CFAP92: variants seen among roughly 807,000 people sequenced by gnomAD.
CFAP92 encodes the protein uncharacterized protein CFAP92.
In CFAP92, 86 loss-of-function variants were observed where a neutral mutation model predicts 106.3. The observed-to-expected ratio is 0.81, with a 90% CI of 0.68 to 0.97. The LOEUF (loss-of-function observed/expected upper bound fraction) is 0.97, where lower values mean the gene tolerates loss of function less well. Among genes scored for constraint, CFAP92 ranks in the 50% least tolerant of loss-of-function variants. The pLI is 0.00. For missense variants in CFAP92, 1,204 were observed against 1,283.8 expected (o/e 0.94, Z 0.95); for synonymous variants, 477 against 506.4 (o/e 0.94, Z 0.78).
intron 7 of CFAP92, among the ~76,000 whole-genome samples, chr3:128,972,405 CT>C (rs892287432): frequency 1.1e-4 from 16 of 151,874 alleles, no homozygotes; most frequent in Non-Finnish European, 2.4e-4. Flanking sequence ...CCACGCCCAG[CT>C]AATTTTTGTA....
chr3:128,944,905 G>C (rs1449172588), intron 10 of CFAP92, among the ~76,000 whole-genome samples, 166 bp downstream of exon 10: 1 of 152,172 alleles, frequency 6.6e-6, no homozygotes, highest in Admixed American at 6.5e-5. Context: ...AGCCAATCGA[G>C]TCTTCAAGTC....
intron 1 of CFAP92, chr3:129,001,796 CCA>C: frequency 6.5e-7 from 1 of 1,544,992 alleles, no homozygotes; most frequent in South Asian, 1.2e-5. Context: ...CCGGCCTGGA[CCA>C]GTACCTGCAG....
the CFAP92 span, among the ~76,000 whole-genome samples, chr3:129,024,868 G>A: frequency 7.9e-5 from 12 of 152,296 alleles, no homozygotes; most frequent in African/African-American, 2.4e-4. Flanking sequence ...AGAGGGAGAG[G>A]TGAGTTCTGA....
At chr3:128,918,191 C>T (rs1383284915) in intron 12 of CFAP92, among the ~76,000 whole-genome samples, 1 of 152,190 alleles carries the variant, frequency 6.6e-6, no homozygotes, top group African/African-American at 2.4e-5. Flanking sequence ...CTCTTGGGGC[C>T]AGATGTGGTG....
At chr3:128,910,547 A>G (rs1370353986) in intron 15 of CFAP92, among the ~76,000 whole-genome samples, 1 of 152,160 alleles carries the variant, frequency 6.6e-6, no homozygotes, top group Non-Finnish European at 1.5e-5. Context: ...AGGGTCAGAG[A>G]TGTTGAGTCA....
chr3:128,998,580 C>T (rs1245581816), upstream of CFAP92, among the ~76,000 whole-genome samples: 1 of 152,178 alleles, frequency 6.6e-6, no homozygotes, highest in African/African-American at 2.4e-5. Context: ...TATGTATACT[C>T]CTTGGCCCAG....
intron 12 of CFAP92, among the ~76,000 whole-genome samples, chr3:128,928,555 TGGG>T (rs1937966610): frequency 1.3e-5 from 2 of 152,164 alleles, no homozygotes; most frequent in African/African-American, 4.8e-5. Context: ...GTCAATTTAA[TGGG>T]GGAATAGCTA....
chr3:128,945,295 C>G lies in CFAP92; in HGVS notation c.2034G>C (p.Gln678His), dbSNP rs1410971754. 1.3e-6 allele frequency: 2 copies of G among 1,536,148 alleles called. No homozygotes were observed. The highest frequency in any genetic ancestry group is 3.9e-5 in the Admixed American group (2 of 51,002). The change falls in exon 10 of 16, where the codon CAG becomes CAC. Residue 678 changes from glutamine (Q) to histidine (H), a missense_variant. Coordinates refer to ENST00000645291, the MANE Select transcript of CFAP92 (RefSeq NM_001394090.1). Reference sequence around the variant, plus strand: ...CCTTAGCGTTGATCATGGTGATGTCCTGCAGCAGGCTGTGGAGCAGGGAGA... The same window carrying G: ...CCTTAGCGTTGATCATGGTGATGTCGTGCAGCAGGCTGTGGAGCAGGGAGA... ...KKVSLLHSLL[Q>H]DITMINAKAL...
upstream of CFAP92, among the ~76,000 whole-genome samples, chr3:129,007,649 T>G (rs1374766652): frequency 1.3e-5 from 2 of 152,216 alleles, no homozygotes; most frequent in East Asian, 3.9e-4. Flanking sequence ...AAATAGACCC[T>G]TGGGGTTGGG....
intron 9 of CFAP92, among the ~76,000 whole-genome samples, chr3:128,951,236 GA>G (rs367896056): frequency 0.089 from 10,698 of 120,844 alleles, 973 homozygotes; most frequent in African/African-American, 0.25. Flanking sequence ...CTCCATCTCA[GA>G]AAAAAAAAAA....
chr3:129,017,341 T>C, the CFAP92 span, among the ~76,000 whole-genome samples: 1 of 152,220 alleles, frequency 6.6e-6, no homozygotes, highest in African/African-American at 2.4e-5. Flanking sequence ...ATCACAACCA[T>C]AGCCGATCAC....
chr3:128,920,264 G>T (rs1262993342), intron 12 of CFAP92, among the ~76,000 whole-genome samples: 1 of 152,208 alleles, frequency 6.6e-6, no homozygotes. Flanking sequence ...TTAGCTGGGT[G>T]TGGCAGTAGG....
intron 9 of CFAP92, among the ~76,000 whole-genome samples, chr3:128,960,639 C>A (rs1349073611): frequency 5.3e-5 from 8 of 152,244 alleles, no homozygotes; most frequent in Non-Finnish European, 1.2e-4. Flanking sequence ...TGATTATACA[C>A]CCACGTTTCA....
At chr3:128,931,107 G>C (rs147303575) in intron 12 of CFAP92, among the ~76,000 whole-genome samples, 2,782 of 152,222 alleles carry the variant, frequency 0.018, 88 homozygotes, top group African/African-American at 0.063. Context: ...GTTTTGCCAT[G>C]TTGGCCAGGC....
chr3:128,993,375 C>A, intron 1 of CFAP92, 39 bp from the exon 2 acceptor site: 1 of 1,538,058 alleles, frequency 6.5e-7, no homozygotes. Context: ...CGCCTGTATT[C>A]CAGGGCTGCT....
chr3:128,959,286 G>A (rs548523859), intron 9 of CFAP92, among the ~76,000 whole-genome samples: 56 of 152,060 alleles, frequency 3.7e-4, no homozygotes, highest in Non-Finnish European at 6.5e-4. Context: ...AAAACAGTTC[G>A]CATACAAAGG....
rs532799993 is a variant in CFAP92, at chr3:128,976,586, G to A, written c.896+393C>T. On this transcript the variant is annotated intron_variant, in intron 6 of 15. Transcript: ENST00000645291. Reference sequence around the variant, plus strand: ...TCCAGACCCTTCTTGGGCTACCAGAGACCCTAAGAGCAACTGACCTCATGC... The same window carrying A: ...TCCAGACCCTTCTTGGGCTACCAGAAACCCTAAGAGCAACTGACCTCATGC... Among the ~76,000 whole-genome samples the A allele has an allele frequency of 7.2e-5, 11 of 152,210 alleles. No homozygotes were observed. In the South Asian group the frequency reaches 1.4e-3, roughly 20 times the overall value.
chr3:128,912,457 C>T lies in CFAP92; in HGVS notation c.3281-2124G>A, dbSNP rs747846480. On this transcript the variant is annotated intron_variant, in intron 15 of 15. Coordinates refer to ENST00000645291, the MANE Select transcript of CFAP92 (RefSeq NM_001394090.1). ...ATGCCCCCACTTCAGCCATGTTTGT[C>T]TTATCACGGTGCAGAAAGATCACCC... is the stretch of plus-strand genomic sequence containing the variant. The T allele has an allele frequency of 1.9e-6, 3 of 1,548,802 alleles. No homozygotes were observed. The South Asian group carries it at 3.4e-5, about 17-fold the overall frequency.
chr3:128,923,322 C>T (rs1937455464), intron 12 of CFAP92, among the ~76,000 whole-genome samples: 1 of 152,206 alleles, frequency 6.6e-6, no homozygotes, highest in Admixed American at 6.5e-5. Context: ...CATCAACCCC[C>T]ATAACATGGG....
Sources: gnomAD v4.1 joint callset for allele counts (sites outside exome capture counted in the v4.1 genomes callset) on GRCh38, gnomAD v4.1.1 for gene constraint, MANE v1.5 for transcripts, NCBI Gene and HGNC (gene_info 2026-07-23, HGNC 2026-07-21) for gene names.